The following RALGAPB variants were observed in gnomAD, a reference collection of about 807,000 sequenced individuals.
RALGAPB encodes the protein Ral GTPase activating protein non-catalytic subunit beta.
In RALGAPB, 25 loss-of-function variants were observed where a neutral mutation model predicts 161.1. The observed-to-expected ratio is 0.16, with a 90% CI of 0.11 to 0.22. The LOEUF is 0.22. Among genes scored for constraint, RALGAPB ranks in the 10% least tolerant of loss-of-function variants. The pLI is 1.00. For missense variants in RALGAPB, 1,391 were observed against 1,815.2 expected (o/e 0.77, Z 4.25); for synonymous variants, 629 against 626.1 (o/e 1.00, Z -0.07).
At chr20:38,513,794 A>G (rs1172198129) in intron 6 of RALGAPB, among the ~76,000 whole-genome samples, 4 of 152,112 alleles carry the variant, frequency 2.6e-5, no homozygotes, top group Non-Finnish European at 5.9e-5. Flanking sequence ...CCAATGTTGA[A>G]CCATCTATCA....
intron 22 of RALGAPB, among the ~76,000 whole-genome samples, chr20:38,557,508 A>T (rs6070590): frequency 0.033 from 5,077 of 152,150 alleles, 130 homozygotes; most frequent in African/African-American, 0.072. Context: ...CCACCTATTC[A>T]TCCCTCCCTC....
chr20:38,473,088 C>A lies in RALGAPB; in HGVS notation c.-31+19C>A. On this transcript the variant is annotated intron_variant, in intron 1 of 29. Transcript: ENST00000262879. The stretch of plus-strand genomic sequence containing the variant: ...GCCTCAGGTAACCGGGCAGCCGGCC[C>A]CGCCGCGGCCGGACCCTCCCCTCTC... The A allele has an allele frequency of 2.9e-6, 1 of 349,948 alleles. No homozygotes were observed. Among genetic ancestry groups the A allele is most frequent in the Non-Finnish European group, 5.1e-6 (1 of 194,708 alleles). The allele number at this position is 349,948 out of a possible 1,614,324, so 21.7% of individuals were successfully genotyped here. A position where few individuals can be genotyped will look rare whatever the true frequency, so the allele number is the denominator to read the frequency against.
chr20:38,513,574 C>T (rs993136090), intron 6 of RALGAPB, among the ~76,000 whole-genome samples: 4 of 150,712 alleles, frequency 2.7e-5, no homozygotes, highest in Admixed American at 6.6e-5. Flanking sequence ...TGCTTGAACC[C>T]GGGAGGCAGA....
At chr20:38,480,833 G>A (rs1326733144) in intron 1 of RALGAPB, among the ~76,000 whole-genome samples, 1 of 138,712 alleles carries the variant, frequency 7.2e-6, no homozygotes, top group Non-Finnish European at 1.5e-5. Flanking sequence ...CGCCTCCCAG[G>A]TTCACACCGT....
At chr20:38,546,578 TAG>T in intron 19 of RALGAPB, 148 bp downstream of exon 19, 1 of 1,015,782 alleles carries the variant, frequency 9.8e-7, no homozygotes, top group East Asian at 2.6e-5. Context: ...ACCTGAAAAA[TAG>T]GGGGGCAAAA....
At position 38,567,156 on chromosome 20, in the gene RALGAPB, C is replaced by G; in HGVS notation, c.3878C>G (p.Pro1293Arg). The G allele has an allele frequency of 1.2e-6, 2 of 1,613,652 alleles. No individual in the cohort carries two copies. The highest frequency in any genetic ancestry group is 8.5e-7 in the Non-Finnish European group (1 of 1,179,740). The change falls in exon 26 of 30, where the codon CCA (proline) becomes CGA (arginine). Residue 1293 changes from proline to arginine, a missense_variant. Pro to Arg is a moderately radical substitution (Grantham distance 103). Transcript: ENST00000262879. ...QDSDSNMDLM[P>R]GILKQPSLTL... Reference sequence around the variant, plus strand: ...AGTGATTCAAATATGGATCTTATGCCAGGAATTCTGAAACAGCCATCCCTG... The same window carrying G: ...AGTGATTCAAATATGGATCTTATGCGAGGAATTCTGAAACAGCCATCCCTG...
At chr20:38,490,984 A>G (rs998512129) in intron 2 of RALGAPB, among the ~76,000 whole-genome samples, 33 of 152,328 alleles carry the variant, frequency 2.2e-4, no homozygotes, top group African/African-American at 7.0e-4. Context: ...AGATGCCACC[A>G]AAGATATCTT....
At chr20:38,507,506 C>G (rs1419129029) in intron 5 of RALGAPB, among the ~76,000 whole-genome samples, 1 of 151,884 alleles carries the variant, frequency 6.6e-6, no homozygotes, top group African/African-American at 2.4e-5. Context: ...CCCATGGCAG[C>G]TGGGAGCTAC....
chr20:38,569,510 C>T, intron 26 of RALGAPB: 1 of 164,158 alleles, frequency 6.1e-6, no homozygotes, highest in Non-Finnish European at 1.3e-5. Context: ...GATTAGGATC[C>T]CCAGACAAGT....
intron 19 of RALGAPB, chr20:38,546,669 G>C (rs547557395): frequency 4.0e-6 from 2 of 495,140 alleles, no homozygotes; most frequent in Admixed American, 3.4e-5. Context: ...TTTTATAAAA[G>C]GTGGTGTTTT....
At chr20:38,479,605 G>T (rs1197533591) in intron 1 of RALGAPB, among the ~76,000 whole-genome samples, 2 of 152,122 alleles carry the variant, frequency 1.3e-5, no homozygotes, top group African/African-American at 4.8e-5. Context: ...GGAAATTAAG[G>T]GATCTGCAGG....
chr20:38,474,062 C>T (rs1262673952), intron 1 of RALGAPB, among the ~76,000 whole-genome samples: 2 of 152,190 alleles, frequency 1.3e-5, no homozygotes, highest in Admixed American at 1.3e-4. Flanking sequence ...GAATTCTCTG[C>T]AGGGATTCTG....
At position 38,554,053 on chromosome 20, in the gene RALGAPB, T is replaced by G; in HGVS notation, c.3349T>G (p.Phe1117Val). Residue 1117 changes from phenylalanine (F) to valine (V), a missense_variant, in exon 22 of 30, where the codon TTT becomes GTT. Around this residue, in one of 3 missense-constraint regions of RALGAPB, gnomAD observed 436 missense variants for 527.0 expected, o/e 0.83. Coordinates refer to ENST00000262879, the MANE Select transcript of RALGAPB (RefSeq NM_020336.4). The stretch of plus-strand genomic sequence containing the variant: ...CCGCCTTTTTCTCTCACACTTTGGA[T>G]TTTTGTCCTTAGAAGCACTGAAGGT... ...TARLFLSHFG[F>V]LSLEALKEPA... 6.2e-7 allele frequency: 1 copy of G among 1,611,448 alleles called. No individual in the cohort carries two copies. Among genetic ancestry groups the G allele is most frequent in the Non-Finnish European group, 8.5e-7 (1 of 1,177,648 alleles).
chr20:38,502,655 A>G (rs1466960449), intron 5 of RALGAPB, among the ~76,000 whole-genome samples: 1 of 152,124 alleles, frequency 6.6e-6, no homozygotes, highest in Non-Finnish European at 1.5e-5. Context: ...GTGCGATCTC[A>G]GCTCACTGCA....
Position 38,497,509 on chromosome 20 carries a change from T to C in RALGAPB, c.546T>C (p.Thr182=), listed in dbSNP as rs774777975. 5 of 1,592,596 alleles carry C rather than the reference T, an allele frequency of 3.1e-6. No homozygotes were observed. The highest frequency in any genetic ancestry group is 1.9e-5 in the Admixed American group (1 of 53,830). The change falls in exon 4 of 30, where the codon ACT becomes ACC. Residue 182 remains threonine (T), a synonymous_variant. Coordinates refer to ENST00000262879, the MANE Select transcript of RALGAPB (RefSeq NM_020336.4). ...ACGACATACTTCTGGCCCCACCAAC[T>C]GTTCAAGGTTTGTTTATTTTTTTTT... ...QINDILLAPP[T]VQGGIAENLA...
At chr20:38,538,947 A>G (rs990757071) in intron 16 of RALGAPB, among the ~76,000 whole-genome samples, 1 of 152,220 alleles carries the variant, frequency 6.6e-6, no homozygotes, top group Non-Finnish European at 1.5e-5. Flanking sequence ...ATGAATGTTT[A>G]TAGCAGCTGT....
At chr20:38,499,838 CAG>C (rs1273303272) in intron 5 of RALGAPB, 2 of 391,768 alleles carry the variant, frequency 5.1e-6, no homozygotes, top group African/African-American at 4.1e-5. Context: ...TCTTGAGAAA[CAG>C]ATAAATTTTA....
At chr20:38,562,014 C>G (rs1209365674) in intron 23 of RALGAPB, among the ~76,000 whole-genome samples, 1 of 152,172 alleles carries the variant, frequency 6.6e-6, no homozygotes, top group Non-Finnish European at 1.5e-5. Flanking sequence ...TTCATTTTTC[C>G]TGGAATTCTC....
chr20:38,564,046 T>C (rs1416571334), intron 24 of RALGAPB, among the ~76,000 whole-genome samples: 1 of 152,096 alleles, frequency 6.6e-6, no homozygotes, highest in Admixed American at 6.5e-5. Flanking sequence ...ATAGAATGAC[T>C]CTGGTAGAGA....
Sources: allele counts gnomAD v4.1 joint callset (sites outside exome capture counted in the v4.1 genomes callset), GRCh38; gene constraint gnomAD v4.1.1; regional missense constraint gnomAD v4.1.1; transcripts MANE v1.5; gene names NCBI Gene and HGNC (gene_info 2026-07-23, HGNC 2026-07-21).